Variants in ZMYM5 observed in about 807,000 individuals in gnomAD.
ZMYM5 encodes zinc finger MYM-type protein 5.
ZMYM5 carries 41 observed loss-of-function variants against 61.8 expected under a neutral mutation model. The observed-to-expected ratio is 0.66, with a 90% CI of 0.52 to 0.86. The LOEUF (loss-of-function observed/expected upper bound fraction) is 0.86, where lower values mean the gene tolerates loss of function less well. ZMYM5 is among the 40% of genes least tolerant of loss of function. The pLI is 0.00. For synonymous variants in ZMYM5, 257 were observed against 276.4 expected (o/e 0.93, Z 0.70); for missense variants, 706 against 786.7 (o/e 0.90, Z 1.23).
At chr13:19,842,482 T>C (rs368005441) in intron 4 of ZMYM5, among the ~76,000 whole-genome samples, 22 of 152,212 alleles carry the variant, frequency 1.4e-4, no homozygotes, top group African/African-American at 5.1e-4. Flanking sequence ...TAAAGCTTCC[T>C]GGTAAAACCT....
At position 19,851,401 on chromosome 13, in the gene ZMYM5, T is replaced by C; in HGVS notation, c.540A>G (p.Ala180=). 1 of 1,614,180 alleles carries C rather than the reference T, an allele frequency of 6.2e-7. No homozygotes were observed. The highest frequency in any genetic ancestry group is 1.1e-5 in the South Asian group (1 of 91,078). Residue 180 remains alanine (A), a synonymous_variant, in exon 4 of 8, where the codon GCA becomes GCG. Transcript: ENST00000337963. ...RPFNPGRMNV[A]GDLFQNGEFA... ...ATTCTCCATTCTGAAATAAGTCTCC[T>C]GCCACATTCATTCTACCAGGGTTAA...
rs1281235727 is a variant in ZMYM5, at chr13:19,824,187, A to T, written c.*290T>A. On this transcript the variant is annotated 3_prime_UTR_variant, in exon 8 of 8. Transcript: ENST00000337963. ...CATCAAATGGCAGTCATTAAATGCC[A>T]ATTTTTAAATAGGTGTAAATTGATA... The T allele has an allele frequency of 6.3e-6, 1 of 158,752 alleles. No homozygotes were observed. The highest frequency in any genetic ancestry group is 1.4e-5 in the Non-Finnish European group (1 of 73,376). 9.8% of individuals were successfully genotyped at this position (158,752 alleles called of 1,614,324 possible). A position where few individuals can be genotyped will look rare whatever the true frequency, so the allele number is the denominator to read the frequency against.
chr13:19,831,803 A>AAAC (rs1566086685), intron 7 of ZMYM5, among the ~76,000 whole-genome samples: 1 of 150,542 alleles, frequency 6.6e-6, no homozygotes, highest in Non-Finnish European at 1.5e-5. Flanking sequence ...AAAAAAAAAA[A>AAAC]AAAAAAAAAA....
chr13:19,852,216 A>G, intron 2 of ZMYM5, 26 bp from the exon 3 acceptor site: 1 of 1,509,658 alleles, frequency 6.6e-7, no homozygotes, highest in South Asian at 1.3e-5. Context: ...AGAAAAAAAA[A>G]AGTTCTAGTA....
At chr13:19,837,016 T>C (rs1952692899) in intron 6 of ZMYM5, among the ~76,000 whole-genome samples, 1 of 141,536 alleles carries the variant, frequency 7.1e-6, no homozygotes, top group Admixed American at 7.1e-5. Flanking sequence ...ATGGGTATGT[T>C]GTTTTTTGTT....
chr13:19,824,994 T>A lies in ZMYM5; in HGVS notation c.1493A>T (p.Asp498Val). 1 of 1,367,424 alleles carries A rather than the reference T, an allele frequency of 7.3e-7. No homozygotes were observed. The highest frequency in any genetic ancestry group is 9.8e-7 in the Non-Finnish European group (1 of 1,021,744). 84.7% of individuals were successfully genotyped at this position (1,367,424 alleles called of 1,614,324 possible). ...CTCTTCCAGTTGCTCTTGAAATGTA[T>A]CAGCTATGGTTGACGTGGAAGAAGG... ...LPPSSTSTIA[D>V]TFQEQLEEKN... Residue 498 changes from aspartate (D) to valine (V), a missense_variant, in exon 8 of 8, where the codon GAT (aspartate) becomes GTT (valine). By Grantham distance (152) the Asp-to-Val change is radical. Around this residue, in one of 2 missense-constraint regions of ZMYM5, gnomAD observed 226 missense variants for 325.0 expected, o/e 0.70. Transcript: ENST00000337963.
intron 7 of ZMYM5, among the ~76,000 whole-genome samples, chr13:19,830,623 T>A (rs1053645039): frequency 6.6e-5 from 10 of 151,764 alleles, no homozygotes; most frequent in African/African-American, 2.2e-4. Context: ...AACCTCCGCC[T>A]CCCAGGTTCA....
chr13:19,844,024 G>A (rs1340915659), intron 4 of ZMYM5, among the ~76,000 whole-genome samples: 2 of 151,622 alleles, frequency 1.3e-5, no homozygotes, highest in East Asian at 3.9e-4. Flanking sequence ...TGTAGTCCCA[G>A]CTATTCGGGA....
At chr13:19,834,420 A>G (rs1952615503) in intron 7 of ZMYM5, among the ~76,000 whole-genome samples, 1 of 152,096 alleles carries the variant, frequency 6.6e-6, no homozygotes, top group African/African-American at 2.4e-5. Context: ...TGGGCTGAAG[A>G]CCTGATAGAC....
chr13:19,861,445 C>T (rs1039349787), intron 2 of ZMYM5, among the ~76,000 whole-genome samples: 1 of 152,194 alleles, frequency 6.6e-6, no homozygotes, highest in Middle Eastern at 3.2e-3. Flanking sequence ...AGCCACTGTG[C>T]CCAGCCACTT....
intron 2 of ZMYM5, among the ~76,000 whole-genome samples, chr13:19,856,564 C>T (rs1237806737): frequency 1.3e-5 from 2 of 151,758 alleles, no homozygotes; most frequent in African/African-American, 2.4e-5. Context: ...CGCCTGAACC[C>T]GGGAGGCAGA....
chr13:19,826,245 G>A (rs908072590), intron 7 of ZMYM5, among the ~76,000 whole-genome samples: 2 of 151,784 alleles, frequency 1.3e-5, no homozygotes, highest in Non-Finnish European at 2.9e-5. Flanking sequence ...CAAACTACTC[G>A]GGAGGCTGAG....
chr13:19,863,238 G>T (rs1330703457), intron 1 of ZMYM5, among the ~76,000 whole-genome samples: 3 of 147,002 alleles, frequency 2.0e-5, no homozygotes, highest in Non-Finnish European at 4.5e-5. Flanking sequence ...CTCCGCCGCT[G>T]GCGACCGCCT....
chr13:19,841,348 A>G (rs1952870513), intron 4 of ZMYM5, among the ~76,000 whole-genome samples: 1 of 152,166 alleles, frequency 6.6e-6, no homozygotes, highest in South Asian at 2.1e-4. Context: ...GGTTTTTATC[A>G]GTACTCCTCT....
chr13:19,842,797 T>G (rs932937339), intron 4 of ZMYM5, among the ~76,000 whole-genome samples: 1 of 150,682 alleles, frequency 6.6e-6, no homozygotes, highest in African/African-American at 2.4e-5. Flanking sequence ...CCATCTCTAC[T>G]AAAAGTACAA....
At chr13:19,825,999 T>C (rs1057487311) in intron 7 of ZMYM5, among the ~76,000 whole-genome samples, 1 of 142,664 alleles carries the variant, frequency 7.0e-6, no homozygotes, top group Non-Finnish European at 1.5e-5. Flanking sequence ...TGAGCTGAGA[T>C]CATGCCATTG....
intron 4 of ZMYM5, among the ~76,000 whole-genome samples, chr13:19,841,419 T>A (rs1053985752): frequency 3.9e-5 from 6 of 152,220 alleles, no homozygotes; most frequent in African/African-American, 1.4e-4. Flanking sequence ...TTTTCTGGAA[T>A]TGAACACATA....
chr13:19,847,642 CTTT>C (rs61154366), intron 4 of ZMYM5, among the ~76,000 whole-genome samples: 1 of 140,754 alleles, frequency 7.1e-6, no homozygotes, highest in Non-Finnish European at 1.5e-5. Flanking sequence ...TTTAATTTTT[CTTT>C]TTTTTTTTTT....
At position 19,847,192 on chromosome 13, in the gene ZMYM5, G is replaced by A. The variant is rs190768900; in HGVS notation, c.586+4163C>T. ...TCGAACTCCCAGCCTCAAGTGATCC[G>A]CCTGCCTTGGCCTCAAAAAGTGCTG... On this transcript the variant is annotated intron_variant, in intron 4 of 7. Coordinates refer to ENST00000337963, the MANE Select transcript of ZMYM5 (RefSeq NM_001142684.2). Among the ~76,000 whole-genome samples the A allele has an allele frequency of 3.3e-3, 504 of 152,172 alleles. 2 individuals carry two copies. Among genetic ancestry groups the A allele is most frequent in the South Asian group, 0.026 (124 of 4,818 alleles).
Sources: gnomAD v4.1 joint callset for allele counts (sites outside exome capture counted in the v4.1 genomes callset) on GRCh38, gnomAD v4.1.1 for gene constraint, gnomAD v4.1.1 regional missense constraint, MANE v1.5 for transcripts, NCBI Gene and HGNC (gene_info 2026-07-23, HGNC 2026-07-21) for gene names.